KCNB2: variants seen among roughly 807,000 people sequenced by gnomAD.
KCNB2 encodes the protein delayed rectifier potassium channel protein.
A neutral mutation model predicts 61.5 loss-of-function variants in KCNB2; 15 were observed. The observed-to-expected ratio is 0.24, with a 90% CI of 0.16 to 0.38. The LOEUF (loss-of-function observed/expected upper bound fraction) is 0.38. Ranked by LOEUF, KCNB2 falls within the 10% of genes least tolerant of loss-of-function variation. The pLI is 1.00. For synonymous variants in KCNB2, 457 were observed against 446.0 expected, an observed-to-expected ratio of 1.02 and a Z score of -0.31; for missense variants, 828 against 1,125.2, an observed-to-expected ratio of 0.74 and a Z score of 3.78.
intron 2 of KCNB2, among the ~76,000 whole-genome samples, chr8:72,813,088 A>C (rs1373409417): frequency 6.6e-6 from 1 of 152,102 alleles, no homozygotes; most frequent in Admixed American, 6.5e-5. Context: ...TCTTCAAGGA[A>C]CTCACCATCT....
At chr8:72,816,152 T>C (rs1379851558) in intron 2 of KCNB2, among the ~76,000 whole-genome samples, 1 of 152,238 alleles carries the variant, frequency 6.6e-6, no homozygotes, top group Non-Finnish European at 1.5e-5. Flanking sequence ...CGTACTAAAA[T>C]GAAAATAGAT....
intron 2 of KCNB2, among the ~76,000 whole-genome samples, chr8:72,604,198 T>C (rs563859723): frequency 3.9e-5 from 6 of 152,188 alleles, no homozygotes; most frequent in East Asian, 3.8e-4. Flanking sequence ...CCCTACTCCA[T>C]AGAGTTTTAT....
In KCNB2 at chr8:72,636,146, A is replaced by T. The variant is rs559269687; in HGVS notation, c.579+67833A>T. Among the ~76,000 whole-genome samples, 151 of 152,246 alleles carry T rather than the reference A, an allele frequency of 9.9e-4. 1 individual carries two copies. The Middle Eastern group carries it at 0.02, about 21-fold the overall frequency. ...TCAGAAGACATGGGTTCAAATTCTG[A>T]CTTTTTCATAGATTTAGGTCTATCC... On this transcript the variant is annotated intron_variant, in intron 2 of 2. Transcript: ENST00000523207.
chr8:72,599,539 G>A (rs1807256201), intron 2 of KCNB2, among the ~76,000 whole-genome samples: 1 of 152,176 alleles, frequency 6.6e-6, no homozygotes, highest in South Asian at 2.1e-4. Context: ...ATAGGCATGG[G>A]CAAGGACTTC....
intron 2 of KCNB2, among the ~76,000 whole-genome samples, chr8:72,607,334 T>TG (rs1232327439): frequency 1.6e-4 from 24 of 152,058 alleles, no homozygotes; most frequent in Non-Finnish European, 1.5e-5. Context: ...GAAAGGACCA[T>TG]CCTTCTCAAG....
At chr8:72,743,765 G>A (rs1235874807) in intron 2 of KCNB2, among the ~76,000 whole-genome samples, 3 of 152,080 alleles carry the variant, frequency 2.0e-5, no homozygotes, top group African/African-American at 7.2e-5. Flanking sequence ...TTTCCTGTAA[G>A]TTTCACATAT....
chr8:72,813,658 T>C (rs540411742), intron 2 of KCNB2, among the ~76,000 whole-genome samples: 41 of 152,312 alleles, frequency 2.7e-4, no homozygotes, highest in African/African-American at 9.4e-4. Context: ...GAAAGTTTTA[T>C]TGAAGAATTA....
chr8:72,771,886 C>T (rs982543095), intron 2 of KCNB2, among the ~76,000 whole-genome samples: 9 of 152,082 alleles, frequency 5.9e-5, no homozygotes, highest in African/African-American at 1.4e-4. Flanking sequence ...GGCCTAGGAG[C>T]GGGAAATGAA....
chr8:72,610,410 A>AT (rs764686091), intron 2 of KCNB2, among the ~76,000 whole-genome samples: 1 of 152,160 alleles, frequency 6.6e-6, no homozygotes, highest in Non-Finnish European at 1.5e-5. Flanking sequence ...TTTTCCTCAT[A>AT]TTTTTTCTTA....
intron 2 of KCNB2, among the ~76,000 whole-genome samples, chr8:72,788,519 G>A (rs1808880034): frequency 6.6e-6 from 1 of 152,010 alleles, no homozygotes; most frequent in Admixed American, 6.6e-5. Context: ...TCACATTAGG[G>A]CTTCAACATA....
chr8:72,915,823 G>T (rs970192313), intron 2 of KCNB2, among the ~76,000 whole-genome samples: 2 of 152,188 alleles, frequency 1.3e-5, no homozygotes, highest in Admixed American at 6.5e-5. Context: ...GGAGGCTGAG[G>T]CAGGAGAATG....
intron 2 of KCNB2, among the ~76,000 whole-genome samples, chr8:72,760,197 C>T (rs1419208383): frequency 1.3e-5 from 2 of 152,204 alleles, no homozygotes; most frequent in Non-Finnish European, 2.9e-5. Context: ...TCAGCCTCAG[C>T]ACTTGCTACT....
chr8:72,772,864 T>C (rs1298310949), intron 2 of KCNB2, among the ~76,000 whole-genome samples: 1 of 152,150 alleles, frequency 6.6e-6, no homozygotes, highest in Non-Finnish European at 1.5e-5. Context: ...CCATTTTAGG[T>C]TAGGTGGCTC....
intron 2 of KCNB2, among the ~76,000 whole-genome samples, chr8:72,665,015 G>A (rs1806443951): frequency 6.6e-6 from 1 of 152,150 alleles, no homozygotes; most frequent in Non-Finnish European, 1.5e-5. Context: ...GGCAAAAAAG[G>A]CCAAGGGGAA....
intron 2 of KCNB2, among the ~76,000 whole-genome samples, chr8:72,635,498 G>C (rs966985911): frequency 4.6e-5 from 7 of 152,110 alleles, no homozygotes; most frequent in African/African-American, 1.4e-4. Context: ...TTCTGCTGGG[G>C]AATATGAAGC....
intron 2 of KCNB2, among the ~76,000 whole-genome samples, chr8:72,715,106 A>G (rs899684134): frequency 1.1e-3 from 169 of 152,286 alleles, no homozygotes; most frequent in African/African-American, 3.6e-3. Context: ...AACAAGAAGA[A>G]CTAACTATCC....
At chr8:72,546,188 GT>G (rs1475287034) in intron 1 of KCNB2, among the ~76,000 whole-genome samples, 1 of 35,366 alleles carries the variant, frequency 2.8e-5, no homozygotes, top group Non-Finnish European at 4.4e-5. Context: ...TGGTTCACAG[GT>G]TTAAAAAAAA....
chr8:72,909,834 C>T (rs1385992397), intron 2 of KCNB2, among the ~76,000 whole-genome samples: 1 of 152,094 alleles, frequency 6.6e-6, no homozygotes, highest in Non-Finnish European at 1.5e-5. Flanking sequence ...TGGGACCTTC[C>T]CCTAAGCTGT....
intron 2 of KCNB2, among the ~76,000 whole-genome samples, chr8:72,585,743 T>C (rs1024620443): frequency 6.6e-6 from 1 of 152,250 alleles, no homozygotes; most frequent in African/African-American, 2.4e-5. Flanking sequence ...ATATGAGTGA[T>C]TATGACAAAA....
Sources: gnomAD v4.1 joint callset for allele counts (sites outside exome capture counted in the v4.1 genomes callset) on GRCh38, gnomAD v4.1.1 for gene constraint, MANE v1.5 for transcripts, NCBI Gene and HGNC (gene_info 2026-07-23, HGNC 2026-07-21) for gene names.